Variants in MAD1L1 observed in about 807,000 individuals in gnomAD.
The protein encoded by MAD1L1 is mitotic arrest deficient 1 like 1.
Under a neutral mutation model 96.9 loss-of-function variants are expected in MAD1L1, and 95 were observed. The observed-to-expected ratio is 0.98, with a 90% CI of 0.83 to 1.16. MAD1L1 has a LOEUF of 1.16. Ranked by LOEUF, MAD1L1 falls within the 50% of genes most tolerant of loss-of-function variation. The pLI is 0.00. For missense variants in MAD1L1, 1,007 were observed against 954.4 expected, an observed-to-expected ratio of 1.06 and a Z score of -0.73; for synonymous variants, 473 against 396.6, an observed-to-expected ratio of 1.19 and a Z score of -2.29.
intron 18 of MAD1L1, among the ~76,000 whole-genome samples, chr7:1,836,803 T>TA (rs943621124): frequency 8.0e-5 from 12 of 150,614 alleles, no homozygotes; most frequent in South Asian, 4.2e-4. Flanking sequence ...TTGCACCATA[T>TA]AAAAAAAAAC....
At chr7:2,111,685 G>A (rs761994222) in intron 11 of MAD1L1, among the ~76,000 whole-genome samples, 7 of 152,222 alleles carry the variant, frequency 4.6e-5, no homozygotes, top group Admixed American at 2.6e-4. Context: ...GCCAGCAGCC[G>A]CACGCTGGAA....
At chr7:1,943,852 A>G (rs373207544) in intron 16 of MAD1L1, among the ~76,000 whole-genome samples, 28 of 152,220 alleles carry the variant, frequency 1.8e-4, no homozygotes, top group African/African-American at 6.3e-4. Flanking sequence ...CGATGACTGG[A>G]TATGTAAGAT....
At chr7:1,950,745 C>G (rs1399283446) in intron 16 of MAD1L1, among the ~76,000 whole-genome samples, 1 of 152,198 alleles carries the variant, frequency 6.6e-6, no homozygotes, top group Admixed American at 6.5e-5. Context: ...CTAGTGGGGC[C>G]GTTGGCAAAG....
At chr7:2,013,505 C>T (rs968986993) in intron 13 of MAD1L1, among the ~76,000 whole-genome samples, 8 of 152,230 alleles carry the variant, frequency 5.3e-5, no homozygotes, top group Admixed American at 3.9e-4. Flanking sequence ...GCCCCCAGGC[C>T]TGGGTTTCCT....
intron 11 of MAD1L1, among the ~76,000 whole-genome samples, chr7:2,108,946 G>C (rs987497908): frequency 6.6e-6 from 1 of 152,228 alleles, no homozygotes; most frequent in Non-Finnish European, 1.5e-5. Context: ...GCGAGGGCTC[G>C]CAGGAAGAGC....
In MAD1L1 at chr7:1,919,310, C is replaced by A. The variant is rs1788627080; in HGVS notation, c.1807+17377G>T. Among the ~76,000 whole-genome samples, 3 of 152,376 alleles carry A rather than the reference C, an allele frequency of 2.0e-5. No individual in the cohort carries two copies. In the South Asian group the frequency reaches 6.2e-4, roughly 32 times the overall value. On this transcript the variant is annotated intron_variant, in intron 17 of 18. Transcript: ENST00000265854. ...GCTCCCAGGCCGTCCAACACGGCTG[C>A]CCCGGCCTCAGATGGACACACGGTG...
At chr7:1,957,168 G>A (rs146276566) in intron 16 of MAD1L1, among the ~76,000 whole-genome samples, 4 of 152,204 alleles carry the variant, frequency 2.6e-5, no homozygotes, top group Admixed American at 2.0e-4. Context: ...TCAGAAACTG[G>A]TCATAAAAAA....
intron 18 of MAD1L1, among the ~76,000 whole-genome samples, chr7:1,892,825 G>A (rs1786632069): frequency 6.6e-6 from 1 of 152,258 alleles, no homozygotes; most frequent in Non-Finnish European, 1.5e-5. Flanking sequence ...TGGAACCAGT[G>A]TGTCTCCCAG....
At chr7:2,095,819 G>T (rs933698522) in intron 11 of MAD1L1, among the ~76,000 whole-genome samples, 2 of 152,224 alleles carry the variant, frequency 1.3e-5, no homozygotes, top group Non-Finnish European at 2.9e-5. Flanking sequence ...CACCCCAGCC[G>T]TCTCTAAGGG....
At chr7:1,865,595 G>C (rs957294681) in intron 18 of MAD1L1, among the ~76,000 whole-genome samples, 17 of 152,354 alleles carry the variant, frequency 1.1e-4, no homozygotes, top group African/African-American at 4.1e-4. Flanking sequence ...CCTGAGAAGG[G>C]ATACTCAATA....
intron 11 of MAD1L1, among the ~76,000 whole-genome samples, chr7:2,128,703 C>T (rs946297743): frequency 6.6e-6 from 1 of 152,194 alleles, no homozygotes; most frequent in African/African-American, 2.4e-5. Flanking sequence ...GGCGGGGACA[C>T]AGAGGGGCTG....
At chr7:2,187,339 ACT>A (rs34931063) in intron 10 of MAD1L1, among the ~76,000 whole-genome samples, 7,063 of 152,010 alleles carry the variant, frequency 0.046, 576 homozygotes, top group African/African-American at 0.16. Context: ...ACACAGCAAG[ACT>A]CTGTCTCCAA....
chr7:2,183,751 G>A (rs1300669019), intron 10 of MAD1L1, among the ~76,000 whole-genome samples: 12 of 151,982 alleles, frequency 7.9e-5, no homozygotes, highest in East Asian at 1.9e-4. Context: ...GGGGACTGTC[G>A]TGGGGTGGGG....
chr7:1,898,057 C>T, intron 18 of MAD1L1, 143 bp downstream of exon 18: 1 of 859,914 alleles, frequency 1.2e-6, no homozygotes, highest in South Asian at 1.6e-5. Flanking sequence ...GAGGACGGGC[C>T]AGTGCACCTC....
At chr7:2,035,263 G>A (rs58448003) in intron 12 of MAD1L1, among the ~76,000 whole-genome samples, 16,188 of 94,950 alleles carry the variant, frequency 0.17, 3,451 homozygotes, top group African/African-American at 0.47. Context: ...GCGCGGGAGC[G>A]CTGACAAGTC....
chr7:2,048,859 G>A (rs376486574), intron 12 of MAD1L1, among the ~76,000 whole-genome samples: 9 of 152,208 alleles, frequency 5.9e-5, no homozygotes, highest in Non-Finnish European at 1.0e-4. Flanking sequence ...AGGCCTTCTC[G>A]AGGCGAAGAG....
intron 15 of MAD1L1, among the ~76,000 whole-genome samples, chr7:1,975,678 G>T (rs1489235419): frequency 6.6e-6 from 1 of 152,220 alleles, no homozygotes; most frequent in Non-Finnish European, 1.5e-5. Context: ...GAAAGGACGT[G>T]GGCCTGGGCA....
intron 11 of MAD1L1, among the ~76,000 whole-genome samples, chr7:2,138,488 C>G (rs935675247): frequency 2.0e-5 from 3 of 152,240 alleles, no homozygotes; most frequent in Admixed American, 2.0e-4. Flanking sequence ...ACAGATCCTA[C>G]TGACAAAACG....
At chr7:1,885,328 T>C (rs1489750405) in intron 18 of MAD1L1, among the ~76,000 whole-genome samples, 2 of 152,154 alleles carry the variant, frequency 1.3e-5, no homozygotes, top group Non-Finnish European at 2.9e-5. Flanking sequence ...GGGTCCTTTG[T>C]TCTCGGTCTA....
Sources: gnomAD v4.1 joint callset for allele counts (sites outside exome capture counted in the v4.1 genomes callset) on GRCh38, gnomAD v4.1.1 for gene constraint, MANE v1.5 for transcripts, NCBI Gene and HGNC (gene_info 2026-07-23, HGNC 2026-07-21) for gene names.